Variants in ZMAT4 observed in about 807,000 individuals in gnomAD.
ZMAT4 encodes the protein zinc finger matrin-type 4.
ZMAT4 carries 17 observed loss-of-function variants against 28.7 expected under a neutral mutation model. That is an observed-to-expected ratio of 0.59 (90% CI 0.41 to 0.89). The LOEUF is 0.89. Ranked by LOEUF, ZMAT4 falls within the 40% of genes least tolerant of loss-of-function variation. ZMAT4 has a pLI of 0.00. For synonymous variants in ZMAT4, 117 were observed against 109.2 expected, an observed-to-expected ratio of 1.07 and a Z score of -0.44; for missense variants, 240 against 283.8, an observed-to-expected ratio of 0.85 and a Z score of 1.11.
At chr8:40,561,220 A>T (rs1563340658) in intron 6 of ZMAT4, among the ~76,000 whole-genome samples, 2 of 150,436 alleles carry the variant, frequency 1.3e-5, no homozygotes, top group African/African-American at 4.9e-5. Context: ...TATATCTTTA[A>T]TTTTTTTTTT....
intron 5 of ZMAT4, among the ~76,000 whole-genome samples, chr8:40,620,921 C>T (rs1248669747): frequency 3.9e-5 from 6 of 152,128 alleles, no homozygotes; most frequent in East Asian, 1.9e-4. Context: ...ATTATATATC[C>T]CCTACTGCTT....
chr8:40,565,486 C>A (rs1007962570), intron 6 of ZMAT4, among the ~76,000 whole-genome samples: 4 of 150,018 alleles, frequency 2.7e-5, no homozygotes, highest in African/African-American at 4.9e-5. Context: ...AAGCAATTCT[C>A]CTGCCTAAGG....
At chr8:40,552,513 C>T (rs1165055589) in intron 6 of ZMAT4, among the ~76,000 whole-genome samples, 1 of 152,168 alleles carries the variant, frequency 6.6e-6, no homozygotes, top group Non-Finnish European at 1.5e-5. Flanking sequence ...AAGGAGACTT[C>T]AATACATTTA....
intron 3 of ZMAT4, among the ~76,000 whole-genome samples, chr8:40,718,220 C>T (rs908382693): frequency 2.1e-4 from 32 of 152,304 alleles, no homozygotes; most frequent in African/African-American, 7.5e-4. Flanking sequence ...AGCAATTCTG[C>T]CCAAAAATAA....
chr8:40,636,961 T>A (rs1012005637), intron 5 of ZMAT4, among the ~76,000 whole-genome samples: 3 of 152,144 alleles, frequency 2.0e-5, no homozygotes, highest in African/African-American at 7.2e-5. Flanking sequence ...AAACTAGGTA[T>A]CTTTAAAAAG....
intron 3 of ZMAT4, among the ~76,000 whole-genome samples, chr8:40,698,021 C>T (rs184162568): frequency 3.3e-4 from 50 of 152,178 alleles, no homozygotes; most frequent in African/African-American, 1.0e-3. Context: ...TTTGTTATTC[C>T]GCTCTGCTTT....
At chr8:40,730,582 G>C (rs1488736445) in intron 3 of ZMAT4, among the ~76,000 whole-genome samples, 1 of 152,106 alleles carries the variant, frequency 6.6e-6, no homozygotes, top group African/African-American at 2.4e-5. Flanking sequence ...AGGTTCTTAA[G>C]GTGTTCCCAA....
At chr8:40,583,042 G>T (rs1229904245) in intron 5 of ZMAT4, among the ~76,000 whole-genome samples, 1 of 152,192 alleles carries the variant, frequency 6.6e-6, no homozygotes, top group Non-Finnish European at 1.5e-5. Flanking sequence ...AAGAAAGAAA[G>T]AAATGGGTAG....
At chr8:40,857,961 G>A (rs1817355513) in intron 1 of ZMAT4, among the ~76,000 whole-genome samples, 1 of 152,160 alleles carries the variant, frequency 6.6e-6, no homozygotes, top group Non-Finnish European at 1.5e-5. Context: ...AAGGGCAGAC[G>A]AGACCACCCT....
At chr8:40,762,249 A>G (rs894259979) in intron 3 of ZMAT4, among the ~76,000 whole-genome samples, 3 of 152,208 alleles carry the variant, frequency 2.0e-5, no homozygotes, top group African/African-American at 2.4e-5. Context: ...TTATTTGGAA[A>G]TGGGGTCTTG....
intron 5 of ZMAT4, among the ~76,000 whole-genome samples, chr8:40,618,644 G>T (rs1450256039): frequency 4.2e-5 from 6 of 142,602 alleles, no homozygotes; most frequent in Non-Finnish European, 7.7e-5. Flanking sequence ...GTATACTACA[G>T]TTTTTCTACC....
intron 2 of ZMAT4, among the ~76,000 whole-genome samples, chr8:40,794,115 A>G (rs1381981164): frequency 3.3e-5 from 5 of 152,150 alleles, no homozygotes; most frequent in Non-Finnish European, 7.3e-5. Flanking sequence ...AAATTTTTGA[A>G]CTCAAACATA....
chr8:40,881,540 A>AAGAAAGAAAG (rs1554498016), intron 1 of ZMAT4, among the ~76,000 whole-genome samples: 693 of 43,546 alleles, frequency 0.016, 27 homozygotes, highest in South Asian at 0.04. Flanking sequence ...GAAAGAAAGA[A>AAGAAAGAAAG]AGAAAGAAAG....
At chr8:40,824,590 T>C (rs1460941940) in intron 2 of ZMAT4, among the ~76,000 whole-genome samples, 1 of 143,970 alleles carries the variant, frequency 6.9e-6, no homozygotes, top group African/African-American at 2.6e-5. Flanking sequence ...CCTGGATGAC[T>C]GAGTGAGACG....
intron 5 of ZMAT4, among the ~76,000 whole-genome samples, chr8:40,649,199 A>G (rs1807507363): frequency 6.6e-6 from 1 of 152,182 alleles, no homozygotes; most frequent in Non-Finnish European, 1.5e-5. Context: ...GCAGAGACAC[A>G]CATAGACTCA....
intron 4 of ZMAT4, among the ~76,000 whole-genome samples, chr8:40,684,552 C>T (rs373106246): frequency 5.3e-5 from 8 of 152,182 alleles, no homozygotes; most frequent in African/African-American, 1.9e-4. Context: ...TTAATTCTAC[C>T]AGTCTTCCCC....
At chr8:40,816,414 G>A (rs1225774760) in intron 2 of ZMAT4, among the ~76,000 whole-genome samples, 1 of 152,110 alleles carries the variant, frequency 6.6e-6, no homozygotes, top group African/African-American at 2.4e-5. Flanking sequence ...TTTCTAAGAT[G>A]CTGAAAGTGT....
At chr8:40,696,124 G>A (rs1809876337) in intron 4 of ZMAT4, among the ~76,000 whole-genome samples, 1 of 152,074 alleles carries the variant, frequency 6.6e-6, no homozygotes, top group Admixed American at 6.6e-5. Flanking sequence ...CAAACATACT[G>A]AGCTTGTCTC....
chr8:40,620,363 C>A (rs529293861), intron 5 of ZMAT4, among the ~76,000 whole-genome samples: 1 of 152,212 alleles, frequency 6.6e-6, no homozygotes, highest in Non-Finnish European at 1.5e-5. Context: ...TTCCCCAAAG[C>A]GCGGCAGGGC....
Sources: gnomAD v4.1 joint callset for allele counts (sites outside exome capture counted in the v4.1 genomes callset) on GRCh38, gnomAD v4.1.1 for gene constraint, MANE v1.5 for transcripts, NCBI Gene and HGNC (gene_info 2026-07-23, HGNC 2026-07-21) for gene names.